The following STXBP6 variants were observed in gnomAD, a reference collection of about 807,000 sequenced individuals.
The protein encoded by STXBP6 is syntaxin-binding protein 6.
A neutral mutation model predicts 26.9 loss-of-function variants in STXBP6; 21 were observed. That is an observed-to-expected ratio of 0.78 (90% CI 0.55 to 1.12). STXBP6 has a LOEUF of 1.12. STXBP6 is among the 50% of genes most tolerant of loss of function. STXBP6 has a pLI of 0.00. For missense variants in STXBP6, 232 were observed against 257.9 expected (o/e 0.90, Z 0.69); for synonymous variants, 97 against 92.6 (o/e 1.05, Z -0.27).
chr14:25,003,684 G>C (rs2074821062), intron 1 of STXBP6, among the ~76,000 whole-genome samples: 1 of 152,188 alleles, frequency 6.6e-6, no homozygotes, highest in Non-Finnish European at 1.5e-5. Flanking sequence ...GTACCTTTTG[G>C]ATCACATCCT....
In STXBP6 at chr14:25,049,947, CG is replaced by C. The variant is rs1410917487; in HGVS notation, c.-103del. ...CGTCCCAGAGCACGAGGCTCCTCCC[CG>C]GGGGGCTGCCCCGCGCGGGGCTCCG... is the stretch of plus-strand genomic sequence containing the variant. On this transcript the variant is annotated 5_prime_UTR_variant, in exon 1 of 6. Coordinates refer to ENST00000323944, the MANE Select transcript of STXBP6 (RefSeq NM_001394410.1). This position sits in a 1 kb window ranked among gnomAD's most constrained non-coding sequence, Gnocchi z 5.6. 1.1e-5 allele frequency: 10 copies of C among 912,562 alleles called. No individual in the cohort carries two copies. Among genetic ancestry groups the C allele is most frequent in the Non-Finnish European group, 1.3e-5 (10 of 764,462 alleles). The allele number at this position is 912,562 out of a possible 1,614,324, so 56.5% of individuals were successfully genotyped here.
chr14:24,919,491 GAGA>G (rs763637223), intron 2 of STXBP6, among the ~76,000 whole-genome samples: 1 of 148,190 alleles, frequency 6.7e-6, no homozygotes, highest in Non-Finnish European at 1.5e-5. Flanking sequence ...CATCCCTTTA[GAGA>G]AGAACTATTT....
chr14:24,812,774 A>T, intron 5 of STXBP6, 42 bp from the exon 6 acceptor site: 1 of 1,603,624 alleles, frequency 6.2e-7, no homozygotes. Flanking sequence ...CTTTATTAGC[A>T]GGTATTAGCA....
At chr14:24,899,780 CAAAAAAAA>C (rs58367371) in intron 2 of STXBP6, among the ~76,000 whole-genome samples, 4 of 46,878 alleles carry the variant, frequency 8.5e-5, no homozygotes, top group South Asian at 3.8e-3. Flanking sequence ...GACTACATTT[CAAAAAAAA>C]AAAAAAAAAA....
intron 2 of STXBP6, among the ~76,000 whole-genome samples, chr14:24,954,006 C>T (rs545356086): frequency 6.6e-6 from 1 of 152,072 alleles, no homozygotes; most frequent in Non-Finnish European, 1.5e-5. Context: ...CAAAGGCTGC[C>T]AATTCAGAAG....
intron 2 of STXBP6, among the ~76,000 whole-genome samples, chr14:24,913,235 G>A (rs1429700273): frequency 1.3e-5 from 2 of 152,156 alleles, no homozygotes; most frequent in Non-Finnish European, 2.9e-5. Context: ...CTTCTTTGCT[G>A]AGAAACCACA....
At chr14:25,004,306 G>C (rs879497886) in intron 1 of STXBP6, among the ~76,000 whole-genome samples, 1 of 152,172 alleles carries the variant, frequency 6.6e-6, no homozygotes, top group Non-Finnish European at 1.5e-5. Flanking sequence ...ATTTAGCAAA[G>C]TAACAATTTT....
rs574322956 is a variant in STXBP6 at position 24,981,902 on chromosome 14, T to C, written c.-32-7052A>G. ...GTGGCACAGACCTACAGATATTGAC[T>C]TGGAAAAATTGCCAAGAAATAATAC... On this transcript the variant is annotated intron_variant, in intron 1 of 5. Coordinates refer to ENST00000323944, the MANE Select transcript of STXBP6 (RefSeq NM_001394410.1). Among the ~76,000 whole-genome samples, 195 of 152,276 alleles carry C rather than the reference T, an allele frequency of 1.3e-3. 1 individual carries two copies. The highest frequency in any genetic ancestry group is 4.5e-3 in the African/African-American group (185 of 41,552).
chr14:24,897,052 T>G (rs897194363), intron 2 of STXBP6, among the ~76,000 whole-genome samples: 6 of 152,072 alleles, frequency 3.9e-5, no homozygotes, highest in African/African-American at 1.4e-4. Context: ...AAAAGTAATA[T>G]CAGATCTTAG....
chr14:24,908,076 C>G (rs1036591666), intron 2 of STXBP6, among the ~76,000 whole-genome samples: 1 of 152,174 alleles, frequency 6.6e-6, no homozygotes, highest in Admixed American at 6.5e-5. Flanking sequence ...CATGGCCTAA[C>G]AGCATCAATG....
intron 1 of STXBP6, among the ~76,000 whole-genome samples, chr14:25,045,014 A>G (rs1303742946): frequency 6.6e-6 from 1 of 152,176 alleles, no homozygotes; most frequent in African/African-American, 2.4e-5. Flanking sequence ...AAAATAAGTA[A>G]CCACTTATAG....
At chr14:25,007,047 T>C (rs970684768) in intron 1 of STXBP6, among the ~76,000 whole-genome samples, 5 of 152,160 alleles carry the variant, frequency 3.3e-5, no homozygotes, top group Admixed American at 6.5e-5. Context: ...GCATATGACA[T>C]AGACTTTCAT....
At chr14:24,975,661 G>T (rs2074025934) in intron 1 of STXBP6, among the ~76,000 whole-genome samples, 2 of 152,160 alleles carry the variant, frequency 1.3e-5, no homozygotes. Flanking sequence ...AAATAAAGCA[G>T]TATGACGCTG....
intron 2 of STXBP6, among the ~76,000 whole-genome samples, chr14:24,934,928 AT>A (rs1332072715): frequency 1.3e-5 from 2 of 152,136 alleles, no homozygotes; most frequent in East Asian, 1.9e-4. Flanking sequence ...TTTAAAAAAA[AT>A]CTCAAAAAAT....
chr14:24,954,884 G>A (rs892516391), intron 2 of STXBP6, among the ~76,000 whole-genome samples: 12 of 152,248 alleles, frequency 7.9e-5, no homozygotes, highest in African/African-American at 2.7e-4. Flanking sequence ...CTGCAGACAG[G>A]AGGATCTGGT....
rs1958380 is a variant in STXBP6, at chr14:25,048,736, C to T, written c.-33+1142G>A. Reference sequence around the variant, plus strand: ...CAGCAGCTCACAGCCTCGGCTGAAGCTCCTCCACCCCCAGGGTGGCTCTGA... The same window carrying T: ...CAGCAGCTCACAGCCTCGGCTGAAGTTCCTCCACCCCCAGGGTGGCTCTGA... On this transcript the variant is annotated intron_variant, in intron 1 of 5. Transcript: ENST00000323944. Among the ~76,000 whole-genome samples the T allele has an allele frequency of 3.6e-3, 546 of 152,338 alleles. 5 individuals are homozygous for T. Among genetic ancestry groups the T allele is most frequent in the Admixed American group, 0.028 (425 of 15,306 alleles).
At chr14:25,032,244 T>C (rs1212239784) in intron 1 of STXBP6, among the ~76,000 whole-genome samples, 3 of 152,138 alleles carry the variant, frequency 2.0e-5, no homozygotes, top group Non-Finnish European at 2.9e-5. Flanking sequence ...ATCACCACAC[T>C]GGAACTAGCC....
chr14:24,898,174 CAACT>C (rs1248068566), intron 2 of STXBP6, among the ~76,000 whole-genome samples: 1 of 152,206 alleles, frequency 6.6e-6, no homozygotes, highest in Non-Finnish European at 1.5e-5. Context: ...GAAGCTTTCA[CAACT>C]AACACTGACC....
At chr14:24,831,263 G>A (rs146823790) in intron 4 of STXBP6, among the ~76,000 whole-genome samples, 10 of 152,218 alleles carry the variant, frequency 6.6e-5, no homozygotes, top group African/African-American at 2.2e-4. Flanking sequence ...CTTTGTTTAT[G>A]TTTCTATTAC....
Sources: allele counts gnomAD v4.1 joint callset (sites outside exome capture counted in the v4.1 genomes callset), GRCh38; gene constraint gnomAD v4.1.1; non-coding constraint Gnocchi (gnomAD v3.1); transcripts MANE v1.5; gene names NCBI Gene and HGNC (gene_info 2026-07-23, HGNC 2026-07-21).